EVPL: variants seen among roughly 807,000 people sequenced by gnomAD.
EVPL encodes 210 kDa cornified envelope precursor protein.
Under a neutral mutation model 129.7 loss-of-function variants are expected in EVPL, and 94 were observed. The ratio of observed to expected loss-of-function variants is 0.72; its 90% CI spans 0.61 to 0.86. EVPL has a LOEUF of 0.86. Ranked by LOEUF, EVPL falls within the 40% of genes least tolerant of loss-of-function variation. EVPL has a pLI of 0.00. For missense variants in EVPL, 2,625 were observed against 2,721.1 expected, an observed-to-expected ratio of 0.96 and a Z score of 0.79; for synonymous variants, 1,172 against 1,191.1, an observed-to-expected ratio of 0.98 and a Z score of 0.33.
At chr17:76,017,138 G>A (rs1270916835) in intron 14 of EVPL, among the ~76,000 whole-genome samples, 1 of 151,934 alleles carries the variant, frequency 6.6e-6, no homozygotes, top group East Asian at 1.9e-4. Context: ...GCTTGAACCT[G>A]GGAGGCAGAA....
intron 2 of EVPL, 109 bp from the exon 3 acceptor site, chr17:76,023,763 A>G: frequency 6.9e-7 from 1 of 1,440,290 alleles, no homozygotes; most frequent in African/African-American, 1.4e-5. Flanking sequence ...ATGCTAGCCA[A>G]CCTTGAGGCC....
intron 14 of EVPL, 106 bp from the exon 15 acceptor site, chr17:76,015,734 T>C: frequency 8.2e-7 from 1 of 1,214,340 alleles, no homozygotes; most frequent in Non-Finnish European, 1.1e-6. Context: ...GTGTGGTGGG[T>C]ACATGCTTGG....
intron 21 of EVPL, among the ~76,000 whole-genome samples, chr17:76,010,944 C>A (rs1355023864): frequency 6.6e-6 from 1 of 152,184 alleles, no homozygotes; most frequent in Non-Finnish European, 1.5e-5. Flanking sequence ...TGCCTGTAAT[C>A]CCAGTTACTC....
chr17:76,012,876 C>T (rs1490097023), intron 18 of EVPL, among the ~76,000 whole-genome samples: 4 of 151,764 alleles, frequency 2.6e-5, no homozygotes, highest in Non-Finnish European at 5.9e-5. Flanking sequence ...TCTCGAGTAG[C>T]CGGGACTACA....
chr17:76,018,668 G>A, intron 11 of EVPL, 68 bp from the exon 12 acceptor site: 3 of 1,502,364 alleles, frequency 2.0e-6, no homozygotes, highest in Non-Finnish European at 2.7e-6. Flanking sequence ...GGGCAGAGTA[G>A]GGGCTGGGGA....
chr17:76,021,403 G>A (rs2066456001), intron 9 of EVPL, 65 bp downstream of exon 9: 9 of 1,443,612 alleles, frequency 6.2e-6, no homozygotes, highest in Non-Finnish European at 8.6e-6. Context: ...GGGCAGGGGT[G>A]CTGTGCTCCC....
chr17:76,011,105 C>G (rs2066373514), intron 21 of EVPL, among the ~76,000 whole-genome samples: 1 of 152,246 alleles, frequency 6.6e-6, no homozygotes, highest in Non-Finnish European at 1.5e-5. Context: ...AGGACAGGTT[C>G]TCCCTGTCCC....
rs531693204 is a variant in EVPL at position 76,022,132 on chromosome 17, C to T, written c.645+57G>A. The stretch of plus-strand genomic sequence containing the variant: ...AGGAACACTGGCCCCGGGCAGGGTC[C>T]GGGCGGCCACCCAGGCCCACCCGCA... On this transcript the variant is annotated intron_variant, in intron 6 of 21. Transcript: ENST00000301607. The surrounding 1 kb of genome is among the most constrained non-coding windows in gnomAD (Gnocchi z 5.6). 4 of 1,602,272 alleles carry T rather than the reference C, an allele frequency of 2.5e-6. No individual in the cohort carries two copies. Among genetic ancestry groups the T allele is most frequent in the East Asian group, 4.5e-5 (2 of 44,686 alleles).
rs200625116 is a variant in EVPL at position 76,014,427 on chromosome 17, T to C, written c.2372A>G (p.Lys791Arg). 2 of 1,608,460 alleles carry C rather than the reference T, an allele frequency of 1.2e-6. No individual in the cohort carries two copies. Among genetic ancestry groups the C allele is most frequent in the African/African-American group, 1.3e-5 (1 of 74,902 alleles). The change falls in exon 18 of 22, where the codon AAG becomes AGG. Residue 791 changes from lysine (K) to arginine (R), a missense_variant and splice_region_variant. Coordinates refer to ENST00000301607, the MANE Select transcript of EVPL (RefSeq NM_001988.4). ...CAGCTGTCCCTGCCCCAGCCTCACC[T>C]TCTGCGCCTGCAGCTTGTAGGCGAT... ...SQIAYKLQAQ[K>R]RLTQEIQSRE...
In EVPL at chr17:76,010,257, C is replaced by G. The variant is rs775741339; in HGVS notation, c.2948G>C (p.Gly983Ala). The change falls in exon 22 of 22, where the codon GGC becomes GCC. Residue 983 changes from glycine (G) to alanine (A), a missense_variant. Transcript: ENST00000301607. ...TGCCTGCAGGCCAGCCCGCCGCTTG[C>G]CCTCCTCCTCCACCTGGGCCTTCAC... ...SRVKAQVEEE[G>A]KRRAGLQADL... is the part of the protein sequence containing the mutation. 2.5e-6 allele frequency: 4 copies of G among 1,613,984 alleles called. No individual in the cohort carries two copies. Among genetic ancestry groups the G allele is most frequent in the Non-Finnish European group, 3.4e-6 (4 of 1,180,020 alleles).
chr17:76,022,608 C>A lies in EVPL; in HGVS notation c.481-70G>T. The A allele has an allele frequency of 6.6e-7, 1 of 1,519,352 alleles. No homozygotes were observed. Among genetic ancestry groups the A allele is most frequent in the Non-Finnish European group, 8.8e-7 (1 of 1,132,894 alleles). 94.1% of individuals were successfully genotyped at this position (1,519,352 alleles called of 1,614,324 possible). ...GAGCCAGAGAACCCCACACGCCTCC[C>A]ACCCGGAGAAGTGGACTTGGTCATT... On this transcript the variant is annotated intron_variant, in intron 4 of 21. Transcript: ENST00000301607. The surrounding 1 kb of genome is among the most constrained non-coding windows in gnomAD (Gnocchi z 5.6).
At chr17:76,026,597 C>A (rs1243092447) in intron 1 of EVPL, among the ~76,000 whole-genome samples, 3 of 152,130 alleles carry the variant, frequency 2.0e-5, no homozygotes, top group African/African-American at 4.8e-5. Flanking sequence ...GGCAGCACAG[C>A]CCCTGCATCC....
Position 76,027,124 on chromosome 17 carries a change from T to TTTGGGGGACCCCTTGGCGGGGGAGCCC in EVPL, c.48_74dup (p.Ala20_Pro28dup), listed in dbSNP as rs754321569. On this transcript the variant is annotated inframe_insertion, in exon 1 of 22. Transcript: ENST00000301607. ...ACCGGCTGTGCCTGCTGGGGGAGCC[T>TTTGGGGGACCCCTTGGCGGGGGAGCCC]TTGGGGGACCCCTTGGCGGGGGAGC... 2.6e-6 allele frequency: 4 copies of TTTGGGGGACCCCTTGGCGGGGGAGCCC among 1,528,236 alleles called. No individual in the cohort carries two copies. The African/African-American group carries it at 4.2e-5, about 16-fold the overall frequency. 94.7% of individuals were successfully genotyped at this position (1,528,236 alleles called of 1,614,324 possible). A position where few individuals can be genotyped will look rare whatever the true frequency, so the allele number is the denominator to read the frequency against.
chr17:76,015,518 G>T lies in EVPL; in HGVS notation c.1821C>A (p.Pro607=), dbSNP rs780124716. 5.0e-6 allele frequency: 8 copies of T among 1,612,810 alleles called. No homozygotes were observed. Among genetic ancestry groups the T allele is most frequent in the Non-Finnish European group, 6.8e-6 (8 of 1,180,032 alleles). Residue 607 remains proline (P), a synonymous_variant, in exon 15 of 22, where the codon CCC becomes CCA. Coordinates refer to ENST00000301607, the MANE Select transcript of EVPL (RefSeq NM_001988.4). ...RPVGPAALQL[P]VALNSVKNKF... is the part of the protein sequence containing the mutation. ...TGTTCTTCACGCTGTTGAGGGCTAC[G>T]GGCAGCTGCAGGGCAGCGGGGCCCA... is the stretch of plus-strand genomic sequence containing the variant.
At position 76,022,372 on chromosome 17, in the gene EVPL, T is replaced by G. The variant is rs757850663; in HGVS notation, c.606+41A>C. 46 of 1,612,058 alleles carry G rather than the reference T, an allele frequency of 2.9e-5. No homozygotes were observed. Among genetic ancestry groups the G allele is most frequent in the Non-Finnish European group, 2.0e-5 (23 of 1,179,388 alleles). ...TCCGGCTCTGACTGGAGAAACGGGC[T>G]GGGGCTGGCCCCGGATGTGACATCC... On this transcript the variant is annotated intron_variant, in intron 5 of 21. Coordinates refer to ENST00000301607, the MANE Select transcript of EVPL (RefSeq NM_001988.4). This position sits in a 1 kb window ranked among gnomAD's most constrained non-coding sequence, Gnocchi z 5.6.
chr17:76,027,020 GCCGCCA>G (rs2066502707), intron 1 of EVPL, 75 bp downstream of exon 1: 2 of 843,090 alleles, frequency 2.4e-6, no homozygotes, highest in South Asian at 1.9e-5. Context: ...GGCCGCCGCC[GCCGCCA>G]GGTGGCTCAA....
At position 76,015,520 on chromosome 17, in the gene EVPL, G is replaced by C; in HGVS notation, c.1819C>G (p.Pro607Ala). 2 of 1,612,856 alleles carry C rather than the reference G, an allele frequency of 1.2e-6. No individual in the cohort carries two copies. Among genetic ancestry groups the C allele is most frequent in the African/African-American group, 2.7e-5 (2 of 75,040 alleles). The change falls in exon 15 of 22, where the codon CCC becomes GCC. Residue 607 changes from proline (P) to alanine (A), a missense_variant. Physicochemically the swap from Pro to Ala is conservative, Grantham distance 27. Transcript: ENST00000301607. ...RPVGPAALQL[P>A]VALNSVKNKF... is the part of the protein sequence containing the mutation. ...TTCTTCACGCTGTTGAGGGCTACGG[G>C]CAGCTGCAGGGCAGCGGGGCCCACG...
At chr17:76,025,812 C>G (rs1157593696) in intron 1 of EVPL, among the ~76,000 whole-genome samples, 1 of 152,240 alleles carries the variant, frequency 6.6e-6, no homozygotes, top group African/African-American at 2.4e-5. Flanking sequence ...TGCAGACGAG[C>G]TGAAGCCAGT....
In EVPL at chr17:76,024,059, C is replaced by G. The variant is rs1481739547; in HGVS notation, c.160G>C (p.Glu54Gln). ...SRMQANADQV[E>Q]RDILETQKRL... ...TTCTGCGTCTCCAGGATGTCCCGCT[C>G]CACCTGGTCGGCGTTGGCTTGCATG... Residue 54 changes from glutamate (E) to glutamine (Q), a missense_variant, in exon 2 of 22, where the codon GAG becomes CAG. By Grantham distance (29) the Glu-to-Gln change is conservative. Around this residue, in one of 4 missense-constraint regions of EVPL, gnomAD observed 139 missense variants for 186.8 expected, o/e 0.74. Transcript: ENST00000301607. This position sits in a 1 kb window ranked among gnomAD's most constrained non-coding sequence, Gnocchi z 4.5. 6.2e-7 allele frequency: 1 copy of G among 1,613,954 alleles called. No homozygotes were observed. Among genetic ancestry groups the G allele is most frequent in the South Asian group, 1.1e-5 (1 of 91,066 alleles).
Sources: allele counts gnomAD v4.1 joint callset (sites outside exome capture counted in the v4.1 genomes callset), GRCh38; gene constraint gnomAD v4.1.1; regional missense constraint gnomAD v4.1.1; non-coding constraint Gnocchi (gnomAD v3.1); transcripts MANE v1.5; gene names NCBI Gene and HGNC (gene_info 2026-07-23, HGNC 2026-07-21).